The following CTNND2 variants were observed in gnomAD, a reference collection of about 807,000 sequenced individuals.
CTNND2 encodes catenin delta 2.
In CTNND2, 22 loss-of-function variants were observed where a neutral mutation model predicts 144.4. The ratio of observed to expected loss-of-function variants is 0.15; its 90% CI spans 0.11 to 0.22. The LOEUF is 0.22. CTNND2 is among the 10% of genes least tolerant of loss of function. The pLI is 1.00. For missense variants in CTNND2, 1,353 were observed against 1,618.8 expected, an observed-to-expected ratio of 0.84 and a Z score of 2.82; for synonymous variants, 751 against 695.6, an observed-to-expected ratio of 1.08 and a Z score of -1.25.
At chr5:11,868,282 T>C (rs185446952) in intron 1 of CTNND2, among the ~76,000 whole-genome samples, 45 of 152,146 alleles carry the variant, frequency 3.0e-4, no homozygotes, top group African/African-American at 5.5e-4. Flanking sequence ...AGGGTGGTGA[T>C]TGGGGTGTGA....
chr5:11,466,560 G>A (rs934490244), intron 3 of CTNND2, among the ~76,000 whole-genome samples: 1 of 152,204 alleles, frequency 6.6e-6, no homozygotes, highest in African/African-American at 2.4e-5. Flanking sequence ...ACAAGAAAAT[G>A]TAATCTCTTC....
intron 16 of CTNND2, among the ~76,000 whole-genome samples, chr5:11,071,109 G>GT (rs1158983376): frequency 1.3e-5 from 2 of 152,098 alleles, no homozygotes; most frequent in African/African-American, 4.8e-5. Context: ...CACTAGGAAA[G>GT]TTTTATCTTA....
intron 1 of CTNND2, among the ~76,000 whole-genome samples, chr5:11,768,713 T>G (rs1363406020): frequency 6.6e-6 from 1 of 152,166 alleles, no homozygotes; most frequent in African/African-American, 2.4e-5. Flanking sequence ...TGCTCATTGA[T>G]AAAAACTACC....
chr5:11,766,841 T>C lies in CTNND2; in HGVS notation c.38-34569A>G, dbSNP rs533591861. 7.2e-5 allele frequency among the ~76,000 whole-genome samples: 11 copies of C among 152,274 alleles called. No individual in the cohort carries two copies. In the East Asian group the frequency reaches 2.1e-3, roughly 29 times the overall value. ...ATATGGTAACATAAAATTTCAAACCTACCTTGAATTTCAGGGCAATATTTC... is the reference window on the plus strand; with the variant it reads ...ATATGGTAACATAAAATTTCAAACCCACCTTGAATTTCAGGGCAATATTTC... On this transcript the variant is annotated intron_variant, in intron 1 of 21. Transcript: ENST00000304623.
chr5:11,475,031 T>C (rs1767587267), intron 3 of CTNND2, among the ~76,000 whole-genome samples: 1 of 152,250 alleles, frequency 6.6e-6, no homozygotes, highest in Non-Finnish European at 1.5e-5. Context: ...TTTTCTGAAC[T>C]ACTAATCAGA....
intron 2 of CTNND2, among the ~76,000 whole-genome samples, chr5:11,648,976 TAA>T (rs1037400269): frequency 2.6e-5 from 4 of 152,238 alleles, no homozygotes; most frequent in African/African-American, 9.6e-5. Context: ...TTTTTGCGTC[TAA>T]GAGAATATTA....
At chr5:10,994,042 C>G (rs929958091) in intron 18 of CTNND2, among the ~76,000 whole-genome samples, 26 of 150,780 alleles carry the variant, frequency 1.7e-4, no homozygotes, top group Non-Finnish European at 3.7e-4. Flanking sequence ...ACATATTACT[C>G]TAATGGAAAT....
chr5:11,845,515 T>C (rs1480970022), intron 1 of CTNND2, among the ~76,000 whole-genome samples: 1 of 152,136 alleles, frequency 6.6e-6, no homozygotes, highest in Non-Finnish European at 1.5e-5. Context: ...CACATGAAGA[T>C]GAAAACAGAG....
At chr5:11,710,938 AC>A (rs902205803) in intron 2 of CTNND2, among the ~76,000 whole-genome samples, 6 of 152,218 alleles carry the variant, frequency 3.9e-5, no homozygotes, top group African/African-American at 1.4e-4. Context: ...ACAAGTTTTA[AC>A]CCCTTGTCAC....
At chr5:11,109,238 G>T (rs1752709268) in intron 14 of CTNND2, among the ~76,000 whole-genome samples, 1 of 152,198 alleles carries the variant, frequency 6.6e-6, no homozygotes, top group Admixed American at 6.5e-5. Flanking sequence ...TCTGCACACA[G>T]GAGCTCGTAG....
intron 1 of CTNND2, among the ~76,000 whole-genome samples, chr5:11,838,259 A>G (rs1287725681): frequency 1.3e-5 from 2 of 152,176 alleles, no homozygotes; most frequent in Non-Finnish European, 2.9e-5. Context: ...CCTGAGATGA[A>G]TCTTTACGCC....
intron 3 of CTNND2, among the ~76,000 whole-genome samples, chr5:11,548,377 T>C (rs555708201): frequency 6.6e-6 from 1 of 152,204 alleles, no homozygotes. Flanking sequence ...TTTAAAACCA[T>C]GAATATGCAA....
At chr5:11,902,329 A>G (rs4702839) in intron 1 of CTNND2, among the ~76,000 whole-genome samples, 149,778 of 152,332 alleles carry the variant, frequency 0.98, 73,685 homozygotes, top group East Asian at 1. Flanking sequence ...GCCCCTATAT[A>G]TCACACGTCT....
In CTNND2 at chr5:11,511,005, C is replaced by G. The variant is rs551359515; in HGVS notation, c.287+53939G>C. On this transcript the variant is annotated intron_variant, in intron 3 of 21. Coordinates refer to ENST00000304623, the MANE Select transcript of CTNND2 (RefSeq NM_001332.4). ...CACCATATCCTGAAAGAGGTACATA[C>G]AGCAAAGACTCTACATGACAAAATA... Among the ~76,000 whole-genome samples, 3 of 152,050 alleles carry G rather than the reference C, an allele frequency of 2.0e-5. No individual in the cohort carries two copies. In the East Asian group the frequency reaches 5.8e-4, roughly 29 times the overall value.
Position 11,346,377 on chromosome 5 carries a change from A to G in CTNND2, c.1623T>C (p.Asp541=), listed in dbSNP as rs1754776688. Residue 541 remains aspartate, a synonymous_variant, in exon 9 of 22, where the codon GAT becomes GAC. Coordinates refer to ENST00000304623, the MANE Select transcript of CTNND2 (RefSeq NM_001332.4). ...AGAAAAAGGTTTTTACCCACCTGGG[A>G]TCTTTCTGAATGCTATCAATGGACG... is the stretch of plus-strand genomic sequence containing the variant. ...RSPSIDSIQK[D]PREFGWRDPE... is the part of the protein sequence containing the mutation. The G allele has an allele frequency of 6.9e-7, 1 of 1,444,506 alleles. No individual in the cohort carries two copies. The highest frequency in any genetic ancestry group is 9.1e-7 in the Non-Finnish European group (1 of 1,093,118). The allele number at this position is 1,444,506 out of a possible 1,614,324, so 89.5% of individuals were successfully genotyped here. A position where few individuals can be genotyped will look rare whatever the true frequency, so the allele number is the denominator to read the frequency against.
chr5:11,586,086 C>T (rs779774156), intron 2 of CTNND2, among the ~76,000 whole-genome samples: 1 of 152,158 alleles, frequency 6.6e-6, no homozygotes, highest in Non-Finnish European at 1.5e-5. Context: ...ATAGGATTTA[C>T]ATTTTCATAG....
intron 12 of CTNND2, among the ~76,000 whole-genome samples, chr5:11,144,508 C>G (rs1023897559): frequency 2.0e-5 from 3 of 152,102 alleles, no homozygotes; most frequent in Non-Finnish European, 4.4e-5. Context: ...CACATGCTCT[C>G]CTTGTCTCCT....
intron 9 of CTNND2, among the ~76,000 whole-genome samples, chr5:11,282,233 T>C (rs1747223719): frequency 6.6e-6 from 1 of 152,006 alleles, no homozygotes. Context: ...AAAAAGCAAT[T>C]CATGCTTCTC....
chr5:11,295,244 A>G (rs926821725), intron 9 of CTNND2, among the ~76,000 whole-genome samples: 1 of 152,224 alleles, frequency 6.6e-6, no homozygotes, highest in African/African-American at 2.4e-5. Context: ...TGCTTCAAAG[A>G]GAATAAAATA....
Sources: gnomAD v4.1 joint callset for allele counts (sites outside exome capture counted in the v4.1 genomes callset) on GRCh38, gnomAD v4.1.1 for gene constraint, MANE v1.5 for transcripts, NCBI Gene and HGNC (gene_info 2026-07-23, HGNC 2026-07-21) for gene names.